LINGO2: variants seen among roughly 807,000 people sequenced by gnomAD.
LINGO2 encodes leucine rich repeat and Ig domain containing 2, also known as leucine-rich repeat and immunoglobulin-like domain-containing nogo receptor-interacting protein 2.
A neutral mutation model predicts 30.6 loss-of-function variants in LINGO2; 14 were observed. That is an observed-to-expected ratio of 0.46 (90% CI 0.30 to 0.72). The LOEUF (loss-of-function observed/expected upper bound fraction) is 0.72, where lower values mean the gene tolerates loss of function less well. Among genes scored for constraint, LINGO2 ranks in the 30% least tolerant of loss-of-function variants. The probability of loss-of-function intolerance (pLI) is 0.07; values close to 1 mark genes in which losing one functional copy is unlikely to be tolerated. For missense variants in LINGO2, 729 were observed against 751.7 expected (o/e 0.97, Z 0.35); for synonymous variants, 317 against 288.5 (o/e 1.10, Z -1.00).
intron 3 of LINGO2, among the ~76,000 whole-genome samples, chr9:28,346,307 T>C (rs1229925924): frequency 6.6e-6 from 1 of 152,206 alleles, no homozygotes. Context: ...GTGGTATTCA[T>C]TCCCGCATTG....
chr9:28,675,198 G>A (rs1184687543), upstream of LINGO2, among the ~76,000 whole-genome samples: 1 of 152,134 alleles, frequency 6.6e-6, no homozygotes, highest in Middle Eastern at 3.2e-3. Flanking sequence ...CTTAGAAAGT[G>A]ATGCATTTAT....
intron 2 of LINGO2, among the ~76,000 whole-genome samples, chr9:28,473,210 T>G (rs1327512145): frequency 1.3e-5 from 2 of 152,128 alleles, no homozygotes; most frequent in Admixed American, 6.6e-5. Flanking sequence ...AACTTGTTTT[T>G]TTTTTCAGCA....
chr9:28,549,924 A>G (rs1043409492), intron 1 of LINGO2, among the ~76,000 whole-genome samples: 7 of 151,786 alleles, frequency 4.6e-5, no homozygotes, highest in African/African-American at 1.4e-4. Context: ...AAAAATTGAC[A>G]TTTCTTTTCT....
chr9:29,007,660 T>C, the LINGO2 span, among the ~76,000 whole-genome samples: 1 of 152,046 alleles, frequency 6.6e-6, no homozygotes, highest in South Asian at 2.1e-4. Context: ...CTCTCAGAAA[T>C]TGTTTCTGAG....
chr9:28,837,422 G>A, the LINGO2 span, among the ~76,000 whole-genome samples: 3 of 151,408 alleles, frequency 2.0e-5, no homozygotes, highest in African/African-American at 7.3e-5. Context: ...GAGGCGGGTG[G>A]ATCACCTGAG....
intron 4 of LINGO2, among the ~76,000 whole-genome samples, chr9:28,176,116 C>G (rs1213434999): frequency 6.6e-6 from 1 of 152,208 alleles, no homozygotes; most frequent in East Asian, 1.9e-4. Context: ...CAAAATTATT[C>G]ACATACAATC....
At chr9:27,940,248 G>A in the LINGO2 span, 1 of 152,044 alleles carries the variant, frequency 6.6e-6, no homozygotes, top group Non-Finnish European at 1.5e-5. Context: ...TTATTGACAT[G>A]TCCTGATTTG....
intron 2 of LINGO2, among the ~76,000 whole-genome samples, chr9:28,409,264 A>G (rs1032644434): frequency 3.3e-5 from 5 of 152,114 alleles, no homozygotes; most frequent in Admixed American, 6.6e-5. Context: ...TCCAAGATAC[A>G]TTTACATAGA....
the LINGO2 span, among the ~76,000 whole-genome samples, chr9:28,816,874 G>A: frequency 6.6e-6 from 1 of 152,114 alleles, no homozygotes; most frequent in Non-Finnish European, 1.5e-5. Context: ...GCAAGACATA[G>A]GAACTAACGA....
chr9:28,967,362 A>G, the LINGO2 span, among the ~76,000 whole-genome samples: 78,741 of 152,008 alleles, frequency 0.52, 21,536 homozygotes, highest in Non-Finnish European at 0.6. Context: ...GTTGGAGAAT[A>G]CAAACTATCC....
the LINGO2 span, among the ~76,000 whole-genome samples, chr9:29,131,653 G>A: frequency 2.0e-5 from 3 of 152,038 alleles, no homozygotes; most frequent in Non-Finnish European, 4.4e-5. Context: ...TTTGTATCAA[G>A]AGAAGCTGAC....
chr9:28,754,929 C>T, the LINGO2 span, among the ~76,000 whole-genome samples: 1 of 151,926 alleles, frequency 6.6e-6, no homozygotes, highest in African/African-American at 2.4e-5. Context: ...CCACGCCCAG[C>T]CTTATCTGTT....
At chr9:28,722,024 C>G in the LINGO2 span, among the ~76,000 whole-genome samples, 2 of 151,630 alleles carry the variant, frequency 1.3e-5, no homozygotes, top group African/African-American at 4.8e-5. Flanking sequence ...ACCAAACAGC[C>G]CAAACATGTT....
At position 28,329,653 on chromosome 9, in the gene LINGO2, C is replaced by T. The variant is rs547075475; in HGVS notation, c.-245-34287G>A. On this transcript the variant is annotated intron_variant, in intron 3 of 5. Coordinates refer to ENST00000379992, the Ensembl canonical transcript of LINGO2. The surrounding 1 kb of genome is among the most constrained non-coding windows in gnomAD (Gnocchi z 4.5). ...TCTGCCTGGAATAGTTTCCTTCCCA[C>T]TCTCCCCTTCTTTCACTCATTTACC... Among the ~76,000 whole-genome samples the T allele has an allele frequency of 4.1e-4, 62 of 152,194 alleles. No homozygotes were observed. The highest frequency in any genetic ancestry group is 1.4e-3 in the African/African-American group (58 of 41,540).
intron 2 of LINGO2, among the ~76,000 whole-genome samples, chr9:28,397,640 C>T (rs1000526175): frequency 1.3e-4 from 20 of 151,030 alleles, no homozygotes; most frequent in African/African-American, 3.2e-4. Flanking sequence ...CTCCACCTCC[C>T]GGGTTCACAC....
chr9:28,245,891 C>T (rs1202907569), intron 4 of LINGO2, among the ~76,000 whole-genome samples: 1 of 151,950 alleles, frequency 6.6e-6, no homozygotes, highest in African/African-American at 2.4e-5. Flanking sequence ...AGATTGAATG[C>T]TATTCTCATC....
chr9:28,613,851 C>T (rs1826022499), intron 1 of LINGO2, among the ~76,000 whole-genome samples: 1 of 152,054 alleles, frequency 6.6e-6, no homozygotes, highest in Admixed American at 6.6e-5. Context: ...CAGCAGTGGT[C>T]CATTGGACAT....
chr9:29,193,096 G>C, the LINGO2 span, among the ~76,000 whole-genome samples: 25 of 152,250 alleles, frequency 1.6e-4, no homozygotes, highest in Admixed American at 1.4e-3. Flanking sequence ...GGTAGGTGGA[G>C]AATTGGAGGA....
intron 2 of LINGO2, among the ~76,000 whole-genome samples, chr9:28,392,165 A>C (rs4879243): frequency 1 from 151,807 of 152,316 alleles, 75,651 homozygotes; most frequent in Middle Eastern, 1. Context: ...ATTGTGCCAC[A>C]GCGTTCCAGC....
Sources: gnomAD v4.1 joint callset for allele counts (sites outside exome capture counted in the v4.1 genomes callset) on GRCh38, gnomAD v4.1.1 for gene constraint, Gnocchi (gnomAD v3.1) non-coding constraint, MANE v1.5 for transcripts, NCBI Gene and HGNC (gene_info 2026-07-23, HGNC 2026-07-21) for gene names.